Variants in IL11 observed in about 807,000 individuals in gnomAD.
IL11 encodes interleukin 11.
In IL11, 17 loss-of-function variants were observed where a neutral mutation model predicts 18.1. The observed-to-expected ratio is 0.94, with a 90% confidence interval of 0.64 to 1.41. The LOEUF is 1.41. Among genes scored for constraint, IL11 ranks in the 40% most tolerant of loss-of-function variants. IL11 has a pLI of 0.00. For missense variants in IL11, 309 were observed against 262.8 expected (o/e 1.18, Z -1.22); for synonymous variants, 144 against 134.1 (o/e 1.07, Z -0.51).
chr19:55,366,215 G>T lies in IL11; in HGVS notation c.430-38C>A, dbSNP rs1171421361. 2 of 1,449,304 alleles carry T rather than the reference G, an allele frequency of 1.4e-6. No homozygotes were observed. Among genetic ancestry groups the T allele is most frequent in the Non-Finnish European group, 1.8e-6 (2 of 1,101,258 alleles). 89.8% of individuals were successfully genotyped at this position (1,449,304 alleles called of 1,614,324 possible). ...GAGAGAGGTGAGTCACAGGTAGGGG[G>T]TGCAGCGGGGGTGCAGGGCAGGGGT... is the stretch of plus-strand genomic sequence containing the variant. On this transcript the variant is annotated intron_variant, in intron 4 of 4. Coordinates refer to ENST00000264563, the MANE Select transcript of IL11 (RefSeq NM_000641.4). This position sits in a 1 kb window ranked among gnomAD's most constrained non-coding sequence, Gnocchi z 4.6.
intron 4 of IL11, among the ~76,000 whole-genome samples, chr19:55,367,617 C>T (rs112511431): frequency 7.2e-5 from 11 of 152,020 alleles, no homozygotes; most frequent in African/African-American, 2.4e-4. Context: ...TGCACCACCA[C>T]GCCTGGCTAA....
Position 55,365,467 on chromosome 19 carries a change from ACCTCCACCTGAATGGAGGTCTCC to A in IL11, c.*517_*539del, listed in dbSNP as rs1231243841. On this transcript the variant is annotated 3_prime_UTR_variant, in exon 5 of 5. Coordinates refer to ENST00000264563, the MANE Select transcript of IL11 (RefSeq NM_000641.4). ...CCAGTCGCTGCCCCGCCCACTCGGGACCTCCACCTGAATGGAGGTCTCCCCTCCACCTGCCCTGCCCCAGTTAC... is the reference window on the plus strand; with the variant it reads ...CCAGTCGCTGCCCCGCCCACTCGGGACCTCCACCTGCCCTGCCCCAGTTAC... 184 of 160,620 alleles carry A rather than the reference ACCTCCACCTGAATGGAGGTCTCC, an allele frequency of 1.1e-3. 1 individual carries two copies. Among genetic ancestry groups the A allele is most frequent in the African/African-American group, 4.2e-3 (176 of 41,462 alleles). 9.9% of individuals were successfully genotyped at this position (160,620 alleles called of 1,614,324 possible).
At position 55,365,884 on chromosome 19, in the gene IL11, ACT is replaced by A; in HGVS notation, c.*121_*122del. 2 of 1,444,676 alleles carry A rather than the reference ACT, an allele frequency of 1.4e-6. No homozygotes were observed. The highest frequency in any genetic ancestry group is 1.9e-6 in the Non-Finnish European group (2 of 1,062,476). The allele number at this position is 1,444,676 out of a possible 1,614,324, so 89.5% of individuals were successfully genotyped here. A position where few individuals can be genotyped will look rare whatever the true frequency, so the allele number is the denominator to read the frequency against. On this transcript the variant is annotated 3_prime_UTR_variant, in exon 5 of 5. Transcript: ENST00000264563. ...GATGCCCCCCAGGCCTCACGGAAGGACTGTCTCTAACTAGGGGGAGATAATGG... is the reference window on the plus strand; with the variant it reads ...GATGCCCCCCAGGCCTCACGGAAGGAGTCTCTAACTAGGGGGAGATAATGG...
intron 4 of IL11, 73 bp downstream of exon 4, chr19:55,368,137 A>G: frequency 7.4e-7 from 1 of 1,351,314 alleles, no homozygotes; most frequent in South Asian, 1.4e-5. Context: ...CTCAGGCTTC[A>G]AGGACTCAGG....
Position 55,365,231 on chromosome 19 carries a change from T to C in IL11, c.*776A>G, listed in dbSNP as rs2089777889. The C allele has an allele frequency of 6.6e-6, 1 of 151,092 alleles. No homozygotes were observed. Among genetic ancestry groups the C allele is most frequent in the Admixed American group, 6.6e-5 (1 of 15,238 alleles). 9.4% of individuals were successfully genotyped at this position (151,092 alleles called of 1,614,324 possible). ...TGGGCATGGTGGTGCACACCTGTGATCCCAGCTAATCGGGAGGCTGAGGCA... is the reference window on the plus strand; with the variant it reads ...TGGGCATGGTGGTGCACACCTGTGACCCCAGCTAATCGGGAGGCTGAGGCA... On this transcript the variant is annotated 3_prime_UTR_variant, in exon 5 of 5. Coordinates refer to ENST00000264563, the MANE Select transcript of IL11 (RefSeq NM_000641.4).
At position 55,369,828 on chromosome 19, in the gene IL11, TC is replaced by T. The variant is rs1333614915; in HGVS notation, c.7+475del. On this transcript the variant is annotated intron_variant, in intron 1 of 4. Transcript: ENST00000264563. This position sits in a 1 kb window ranked among gnomAD's most constrained non-coding sequence, Gnocchi z 6.1. ...CGCATCTGCCCGGCTCTCCCCGCTT[TC>T]CCCCCGCGCCCAGTCTCTCTCCTCC... Among the ~76,000 whole-genome samples, 1 of 151,500 alleles carries T rather than the reference TC, an allele frequency of 6.6e-6. No individual in the cohort carries two copies. Among genetic ancestry groups the T allele is most frequent in the Non-Finnish European group, 1.5e-5 (1 of 67,728 alleles).
rs1358025145 is a variant in IL11, at chr19:55,366,518, A to G, written c.430-341T>C. Among the ~76,000 whole-genome samples the G allele has an allele frequency of 4.0e-5, 6 of 151,858 alleles. No homozygotes were observed. Among genetic ancestry groups the G allele is most frequent in the Admixed American group, 3.3e-4 (5 of 15,244 alleles). ...TTTTTGTTGTTGTGGCTGCTGTTAG[A>G]ACAATTAAGAAGCCAGGCGCGGGGG... On this transcript the variant is annotated intron_variant, in intron 4 of 4. Transcript: ENST00000264563. This position sits in a 1 kb window ranked among gnomAD's most constrained non-coding sequence, Gnocchi z 4.6.
At position 55,370,377 on chromosome 19, in the gene IL11, G is replaced by C; in HGVS notation, c.-67C>G. The C allele has an allele frequency of 6.8e-6, 9 of 1,331,012 alleles. No individual in the cohort carries two copies. In the South Asian group the frequency reaches 1.7e-4, roughly 25 times the overall value. 82.5% of individuals were successfully genotyped at this position (1,331,012 alleles called of 1,614,324 possible). ...AGCCGGGGGCCTTTAACCCTTCCCT[G>C]TCCGCTGCCGGGGGAGCCCCGAGGG... On this transcript the variant is annotated 5_prime_UTR_variant, in exon 1 of 5. Transcript: ENST00000264563.
chr19:55,368,975 G>T, intron 1 of IL11, 34 bp from the exon 2 acceptor site: 1 of 1,461,372 alleles, frequency 6.8e-7, no homozygotes, highest in Non-Finnish European at 9.1e-7. Flanking sequence ...GCTCAGGCTG[G>T]ACTCCGGGTC....
At position 55,366,315 on chromosome 19, in the gene IL11, C is replaced by T. The variant is rs990521067; in HGVS notation, c.430-138G>A. The T allele has an allele frequency of 2.7e-5, 24 of 880,888 alleles. No homozygotes were observed. The highest frequency in any genetic ancestry group is 3.6e-4 in the Middle Eastern group (1 of 2,796). 54.6% of individuals were successfully genotyped at this position (880,888 alleles called of 1,614,324 possible). ...GGCGCGTGGGGTGAAGTGTTTAGGC[C>T]GGGAGCTCTTCAGGCTGTGGGGTTC... is the stretch of plus-strand genomic sequence containing the variant. On this transcript the variant is annotated intron_variant, in intron 4 of 4. Coordinates refer to ENST00000264563, the MANE Select transcript of IL11 (RefSeq NM_000641.4). This position sits in a 1 kb window ranked among gnomAD's most constrained non-coding sequence, Gnocchi z 4.6.
Position 55,369,153 on chromosome 19 carries a change from C to G in IL11, c.8-212G>C, listed in dbSNP as rs1023987593. On this transcript the variant is annotated intron_variant, in intron 1 of 4. Coordinates refer to ENST00000264563, the MANE Select transcript of IL11 (RefSeq NM_000641.4). This position sits in a 1 kb window ranked among gnomAD's most constrained non-coding sequence, Gnocchi z 6.1. ...GGGTCTCGGGGAGGAGGGTCTGGGG[C>G]CTGGACTCCCGGCCTTAGGGAGGAT... is the stretch of plus-strand genomic sequence containing the variant. 5.7e-5 allele frequency: 26 copies of G among 454,762 alleles called. No homozygotes were observed. The highest frequency in any genetic ancestry group is 8.9e-5 in the Non-Finnish European group (23 of 257,542). 28.2% of individuals were successfully genotyped at this position (454,762 alleles called of 1,614,324 possible). A position where few individuals can be genotyped will look rare whatever the true frequency, so the allele number is the denominator to read the frequency against.
intron 4 of IL11, among the ~76,000 whole-genome samples, chr19:55,367,800 GTC>G (rs1223518760): frequency 1.3e-5 from 2 of 151,974 alleles, no homozygotes; most frequent in Non-Finnish European, 2.9e-5. Flanking sequence ...GGGTCTCCAA[GTC>G]TTGAGGTGAG....
In IL11 at chr19:55,366,977, A is replaced by T. The variant is rs1028933703; in HGVS notation, c.430-800T>A. On this transcript the variant is annotated intron_variant, in intron 4 of 4. Transcript: ENST00000264563. The surrounding 1 kb of genome is among the most constrained non-coding windows in gnomAD (Gnocchi z 4.6). Reference sequence around the variant, plus strand: ...CCACCAGAGCTGGGGTTTTACAGACAGTATCTGAGGTCTGTGGGCTCGAGT... The same window carrying T: ...CCACCAGAGCTGGGGTTTTACAGACTGTATCTGAGGTCTGTGGGCTCGAGT... Among the ~76,000 whole-genome samples the T allele has an allele frequency of 2.0e-5, 3 of 152,208 alleles. No homozygotes were observed. The highest frequency in any genetic ancestry group is 4.8e-5 in the African/African-American group (2 of 41,544).
chr19:55,370,312 T>C lies in IL11; in HGVS notation c.-2A>G. The C allele has an allele frequency of 6.8e-7, 1 of 1,468,250 alleles. No individual in the cohort carries two copies. Among genetic ancestry groups the C allele is most frequent in the South Asian group, 1.4e-5 (1 of 73,882 alleles). The allele number at this position is 1,468,250 out of a possible 1,614,324, so 91.0% of individuals were successfully genotyped here. The stretch of plus-strand genomic sequence containing the variant: ...CCCATGAACCAACTTACAGTTCATG[T>C]CCCCACAGGGCCAGGGGTTCCCCAG... On this transcript the variant is annotated 5_prime_UTR_variant, in exon 1 of 5. Transcript: ENST00000264563.
Position 55,366,265 on chromosome 19 carries a change from G to A in IL11, c.430-88C>T. On this transcript the variant is annotated intron_variant, in intron 4 of 4. Coordinates refer to ENST00000264563, the MANE Select transcript of IL11 (RefSeq NM_000641.4). This position sits in a 1 kb window ranked among gnomAD's most constrained non-coding sequence, Gnocchi z 4.6. ...TGCTGTGGAGCTGCAGCTGAATCGG[G>A]GCTGCATATTCACAGGGGGACTGTG... 1 of 1,377,660 alleles carries A rather than the reference G, an allele frequency of 7.3e-7. No individual in the cohort carries two copies. The highest frequency in any genetic ancestry group is 9.5e-7 in the Non-Finnish European group (1 of 1,049,798). The allele number at this position is 1,377,660 out of a possible 1,614,324, so 85.3% of individuals were successfully genotyped here. A position where few individuals can be genotyped will look rare whatever the true frequency, so the allele number is the denominator to read the frequency against.
rs2089785216 is a variant in IL11 at position 55,366,220 on chromosome 19, G to A, written c.430-43C>T. On this transcript the variant is annotated intron_variant, in intron 4 of 4. Coordinates refer to ENST00000264563, the MANE Select transcript of IL11 (RefSeq NM_000641.4). This position sits in a 1 kb window ranked among gnomAD's most constrained non-coding sequence, Gnocchi z 4.6. ...AGGTGAGTCACAGGTAGGGGGTGCA[G>A]CGGGGGTGCAGGGCAGGGGTGCTGT... 1 of 1,446,876 alleles carries A rather than the reference G, an allele frequency of 6.9e-7. No homozygotes were observed. Among genetic ancestry groups the A allele is most frequent in the Non-Finnish European group, 9.1e-7 (1 of 1,100,104 alleles). The allele number at this position is 1,446,876 out of a possible 1,614,324, so 89.6% of individuals were successfully genotyped here. A position where few individuals can be genotyped will look rare whatever the true frequency, so the allele number is the denominator to read the frequency against.
rs748346212 is a variant in IL11 at position 55,366,072 on chromosome 19, C to T, written c.535G>A (p.Gly179Arg). The T allele has an allele frequency of 1.9e-6, 3 of 1,597,882 alleles. No individual in the cohort carries two copies. The highest frequency in any genetic ancestry group is 2.7e-5 in the African/African-American group (2 of 74,724). Residue 179 changes from glycine to arginine, a missense_variant, in exon 5 of 5, where the codon GGG becomes AGG. Physicochemically the swap from Gly to Arg is moderately radical, Grantham distance 125. Coordinates refer to ENST00000264563, the MANE Select transcript of IL11 (RefSeq NM_000641.4). The surrounding 1 kb of genome is among the most constrained non-coding windows in gnomAD (Gnocchi z 4.6). ...GGIRAAHAIL[G>R]GLHLTLDWAV... is the part of the protein sequence containing the mutation. ...CAGTCAAGTGTCAGGTGCAGCCCCC[C>T]CAGGATGGCGTGGGCGGCCCTGATG...
Position 55,365,657 on chromosome 19 carries a change from C to T in IL11, c.*350G>A, listed in dbSNP as rs1420454920. On this transcript the variant is annotated 3_prime_UTR_variant, in exon 5 of 5. Coordinates refer to ENST00000264563, the MANE Select transcript of IL11 (RefSeq NM_000641.4). ...GCTTCCCTTTCCCCTCCGTCCCCAC[C>T]CCAACATGAAAAGTAATTGCTTAAA... 4.0e-6 allele frequency: 1 copy of T among 248,348 alleles called. No individual in the cohort carries two copies. Among genetic ancestry groups the T allele is most frequent in the Non-Finnish European group, 7.7e-6 (1 of 130,390 alleles). 15.4% of individuals were successfully genotyped at this position (248,348 alleles called of 1,614,324 possible). A position where few individuals can be genotyped will look rare whatever the true frequency, so the allele number is the denominator to read the frequency against.
chr19:55,367,865 G>C (rs1198964417), intron 4 of IL11, among the ~76,000 whole-genome samples: 1 of 152,068 alleles, frequency 6.6e-6, no homozygotes, highest in Middle Eastern at 3.2e-3. Context: ...GGTCTTAGGG[G>C]CTGGGATCTG....
Sources: allele counts gnomAD v4.1 joint callset (sites outside exome capture counted in the v4.1 genomes callset), GRCh38; gene constraint gnomAD v4.1.1; non-coding constraint Gnocchi (gnomAD v3.1); transcripts MANE v1.5; gene names NCBI Gene and HGNC (gene_info 2026-07-23, HGNC 2026-07-21).